Variants in STXBP4 observed in about 807,000 individuals in gnomAD.
STXBP4 encodes the protein syntaxin binding protein 4, also known as syntaxin-binding protein 4.
A neutral mutation model predicts 76.1 loss-of-function variants in STXBP4; 55 were observed. The ratio of observed to expected loss-of-function variants is 0.72; its 90% CI spans 0.58 to 0.91. STXBP4 has a LOEUF of 0.91. Among genes scored for constraint, STXBP4 ranks in the 40% least tolerant of loss-of-function variants. The pLI, the probability that STXBP4 is intolerant of heterozygous loss-of-function variation, is 0.00. For missense variants in STXBP4, 618 were observed against 636.9 expected, an observed-to-expected ratio of 0.97 and a Z score of 0.32; for synonymous variants, 201 against 220.2, an observed-to-expected ratio of 0.91 and a Z score of 0.77.
At chr17:55,078,637 A>T (rs963624759) in intron 14 of STXBP4, 49 bp from the exon 15 acceptor site, 26 of 1,182,862 alleles carry the variant, frequency 2.2e-5, no homozygotes, top group Non-Finnish European at 3.1e-5. Flanking sequence ...GATATTTTTT[A>T]AAAACTGTCA....
intron 16 of STXBP4, among the ~76,000 whole-genome samples, chr17:55,136,693 A>G (rs922040939): frequency 2.0e-5 from 3 of 152,032 alleles, no homozygotes; most frequent in African/African-American, 7.2e-5. Context: ...CCCACCCCCA[A>G]TAGCTGGTTG....
At chr17:55,098,077 T>G (rs577525171) in intron 16 of STXBP4, among the ~76,000 whole-genome samples, 8 of 152,320 alleles carry the variant, frequency 5.3e-5, no homozygotes, top group African/African-American at 1.4e-4. Context: ...CTTACAGCCT[T>G]AAACCATTCT....
intron 16 of STXBP4, among the ~76,000 whole-genome samples, chr17:55,091,453 T>A (rs1183966137): frequency 6.6e-6 from 1 of 152,112 alleles, no homozygotes; most frequent in Non-Finnish European, 1.5e-5. Context: ...ATCCCAAATT[T>A]GAAATGCCCC....
chr17:55,035,737 C>A (rs1365478029), intron 10 of STXBP4, among the ~76,000 whole-genome samples: 1 of 151,776 alleles, frequency 6.6e-6, no homozygotes. Context: ...TGAAAGAATT[C>A]TTTTCATGCC....
rs1243511305 is a variant in STXBP4, at chr17:54,999,440, A to C, written c.276A>C (p.Gly92=). The C allele has an allele frequency of 1.2e-6, 2 of 1,610,702 alleles. No homozygotes were observed. Among genetic ancestry groups the C allele is most frequent in the Non-Finnish European group, 1.7e-6 (2 of 1,178,448 alleles). The change falls in exon 5 of 18, where the codon GGA becomes GGC. Residue 92 remains glycine, a synonymous_variant. Transcript: ENST00000376352. ...SFEEAKSIIT[G]AKLRLESAWE... ...AAGAAGCAAAAAGCATAATTACCGG[A>C]GCCAAGTTGAGGTAACTATACTATC...
chr17:55,113,939 A>C (rs534183055), intron 16 of STXBP4, among the ~76,000 whole-genome samples: 11 of 152,210 alleles, frequency 7.2e-5, no homozygotes, highest in South Asian at 6.2e-4. Flanking sequence ...TACAATCAAC[A>C]TAATCTTTGC....
the STXBP4 span, among the ~76,000 whole-genome samples, chr17:55,192,778 A>G: frequency 2.0e-5 from 3 of 152,184 alleles, no homozygotes; most frequent in Non-Finnish European, 2.9e-5. Flanking sequence ...GAGATTAACT[A>G]ACTTTCAGGG....
chr17:55,123,759 G>A (rs776481724), intron 16 of STXBP4, among the ~76,000 whole-genome samples: 13 of 152,006 alleles, frequency 8.6e-5, no homozygotes, highest in Non-Finnish European at 1.8e-4. Context: ...AATTAGCCAA[G>A]CATGGTGGCC....
chr17:55,021,810 G>T (rs1489428097), intron 8 of STXBP4, among the ~76,000 whole-genome samples: 2 of 152,072 alleles, frequency 1.3e-5, no homozygotes, highest in African/African-American at 4.8e-5. Flanking sequence ...AGAAAAAAAT[G>T]AGGATTTCTT....
intron 12 of STXBP4, among the ~76,000 whole-genome samples, chr17:55,071,169 C>T (rs2079114818): frequency 6.6e-6 from 1 of 152,154 alleles, no homozygotes; most frequent in African/African-American, 2.4e-5. Flanking sequence ...GCAAAAGTAA[C>T]ACTTTTAAAA....
At chr17:55,149,663 G>C (rs2080193277) in intron 17 of STXBP4, among the ~76,000 whole-genome samples, 2 of 152,268 alleles carry the variant, frequency 1.3e-5, no homozygotes, top group South Asian at 4.1e-4. Context: ...ATGGAAACCA[G>C]TAGCCAAAAC....
chr17:55,077,419 G>A (rs879714362), intron 13 of STXBP4, among the ~76,000 whole-genome samples: 2 of 152,120 alleles, frequency 1.3e-5, no homozygotes, highest in African/African-American at 2.4e-5. Context: ...AATTATTCAG[G>A]AGAAACTTTT....
At chr17:55,174,551 G>T (rs1394160920), downstream of STXBP4, among the ~76,000 whole-genome samples, 1 of 152,118 alleles carries the variant, frequency 6.6e-6, no homozygotes, top group Non-Finnish European at 1.5e-5. Context: ...TTTTCTTGCT[G>T]CTGGGTTTTA....
intron 16 of STXBP4, among the ~76,000 whole-genome samples, chr17:55,105,311 T>C (rs2079618249): frequency 6.6e-6 from 1 of 152,200 alleles, no homozygotes; most frequent in South Asian, 2.1e-4. Context: ...CTAGAGATTC[T>C]GGTACGTTTT....
intron 13 of STXBP4, among the ~76,000 whole-genome samples, chr17:55,073,854 C>T (rs142228103): frequency 0.018 from 2,726 of 152,206 alleles, 79 homozygotes; most frequent in African/African-American, 0.061. Flanking sequence ...GTCTTGACCT[C>T]CTGACCTCAG....
intron 16 of STXBP4, among the ~76,000 whole-genome samples, chr17:55,109,547 C>A (rs564054384): frequency 7.4e-5 from 11 of 149,538 alleles, no homozygotes; most frequent in Non-Finnish European, 7.4e-5. Context: ...CAGAAGAGTT[C>A]AAAGTGGTTA....
At chr17:54,973,743 C>T (rs538639515) in intron 1 of STXBP4, among the ~76,000 whole-genome samples, 1 of 152,170 alleles carries the variant, frequency 6.6e-6, no homozygotes, top group Non-Finnish European at 1.5e-5. Flanking sequence ...AATGAGAGCT[C>T]CTCAGGGCAG....
intron 16 of STXBP4, among the ~76,000 whole-genome samples, chr17:55,087,082 A>G (rs2787502): frequency 0.23 from 35,636 of 152,030 alleles, 4,663 homozygotes; most frequent in South Asian, 0.32. Context: ...GTCTGTTCAG[A>G]TCATTTGCTC....
chr17:55,126,355 T>C (rs1483120869), intron 16 of STXBP4, among the ~76,000 whole-genome samples: 1 of 152,110 alleles, frequency 6.6e-6, no homozygotes, highest in Non-Finnish European at 1.5e-5. Flanking sequence ...TCATAATGAA[T>C]GGAAAGAGAA....
Sources: allele counts gnomAD v4.1 joint callset (sites outside exome capture counted in the v4.1 genomes callset), GRCh38; gene constraint gnomAD v4.1.1; transcripts MANE v1.5; gene names NCBI Gene and HGNC (gene_info 2026-07-23, HGNC 2026-07-21).